GABRG3: variants seen among roughly 807,000 people sequenced by gnomAD.
The protein encoded by GABRG3 is gamma-aminobutyric acid receptor subunit gamma-3.
GABRG3 carries 25 observed loss-of-function variants against 48.8 expected under a neutral mutation model. The observed-to-expected ratio is 0.51, with a 90% CI of 0.37 to 0.72. The LOEUF (loss-of-function observed/expected upper bound fraction) is 0.72. GABRG3 is among the 30% of genes least tolerant of loss of function. The pLI is 0.00. For missense variants in GABRG3, 394 were observed against 577.9 expected, an observed-to-expected ratio of 0.68 and a Z score of 3.26; for synonymous variants, 227 against 217.6, an observed-to-expected ratio of 1.04 and a Z score of -0.38.
intron 3 of GABRG3, among the ~76,000 whole-genome samples, chr15:27,143,639 G>A (rs1000076986): frequency 3.9e-5 from 6 of 152,196 alleles, no homozygotes; most frequent in Non-Finnish European, 8.8e-5. Context: ...AGCTGCGAGT[G>A]TATCCTTTCT....
Position 27,345,958 on chromosome 15 carries a change from C to A in GABRG3, c.574+17070C>A, listed in dbSNP as rs189619942. Among the ~76,000 whole-genome samples the A allele has an allele frequency of 2.6e-5, 4 of 151,028 alleles. No homozygotes were observed. The East Asian group carries it at 7.8e-4, about 30-fold the overall frequency. On this transcript the variant is annotated intron_variant, in intron 5 of 9. Transcript: ENST00000615808. ...GTCCCAGCTACCCAGGAGGCTGAGG[C>A]ACAAGAATCACTTGGAACCCAGGAG...
At chr15:27,403,526 T>C (rs1887533822) in intron 5 of GABRG3, among the ~76,000 whole-genome samples, 1 of 152,146 alleles carries the variant, frequency 6.6e-6, no homozygotes, top group Non-Finnish European at 1.5e-5. Context: ...GACAAAACAC[T>C]AATTTCCTTC....
At chr15:26,999,321 A>G (rs1895401144) in intron 2 of GABRG3, among the ~76,000 whole-genome samples, 2 of 152,142 alleles carry the variant, frequency 1.3e-5, no homozygotes, top group South Asian at 4.1e-4. Context: ...TATATATGAG[A>G]CTTAAGAACT....
At chr15:27,296,204 A>G (rs1891977938) in intron 3 of GABRG3, among the ~76,000 whole-genome samples, 1 of 152,244 alleles carries the variant, frequency 6.6e-6, no homozygotes, top group Non-Finnish European at 1.5e-5. Flanking sequence ...TTAAATCCAC[A>G]TGAAAAAGGC....
At chr15:27,130,234 G>A (rs183533996) in intron 3 of GABRG3, among the ~76,000 whole-genome samples, 121 of 152,192 alleles carry the variant, frequency 8.0e-4, no homozygotes, top group African/African-American at 2.7e-3. Context: ...TGTATGTGGT[G>A]TAAGATAAAG....
chr15:27,302,019 T>C (rs1354267929), intron 3 of GABRG3, among the ~76,000 whole-genome samples: 8 of 152,030 alleles, frequency 5.3e-5, no homozygotes, highest in Admixed American at 5.3e-4. Flanking sequence ...ACTAGGAATC[T>C]GACCATCCTT....
At chr15:27,372,243 A>T (rs1204779608) in intron 5 of GABRG3, among the ~76,000 whole-genome samples, 2 of 152,184 alleles carry the variant, frequency 1.3e-5, no homozygotes, top group African/African-American at 4.8e-5. Flanking sequence ...AGGAGTTTAG[A>T]TGGGGCTAAA....
At position 27,183,280 on chromosome 15, in the gene GABRG3, C is replaced by A. The variant is rs187058015; in HGVS notation, c.271-143529C>A. ...TTACTCTCCCTAGGCCACAGAACAA[C>A]TGGAAAGGAGAAAATAAAACAAAAC... On this transcript the variant is annotated intron_variant, in intron 3 of 9. Transcript: ENST00000615808. Among the ~76,000 whole-genome samples the A allele has an allele frequency of 8.5e-5, 13 of 152,192 alleles. No individual in the cohort carries two copies. The East Asian group carries it at 2.5e-3, about 29-fold the overall frequency.
chr15:27,320,401 C>G (rs1893381651), intron 3 of GABRG3, among the ~76,000 whole-genome samples: 1 of 152,010 alleles, frequency 6.6e-6, no homozygotes, highest in East Asian at 1.9e-4. Flanking sequence ...GTCTAGGGCT[C>G]CAGAGGTGTG....
intron 3 of GABRG3, among the ~76,000 whole-genome samples, chr15:27,262,134 G>A (rs1001169214): frequency 6.6e-6 from 1 of 152,188 alleles, no homozygotes; most frequent in African/African-American, 2.4e-5. Context: ...TTGCTAAGGC[G>A]ATGGCAGGAG....
intron 3 of GABRG3, among the ~76,000 whole-genome samples, chr15:27,145,605 C>CTATCTATCTATCTATCTAT (rs1898187958): frequency 1.1e-5 from 1 of 90,222 alleles, no homozygotes; most frequent in Non-Finnish European, 2.5e-5. Flanking sequence ...ATATCTATCT[C>CTATCTATCTATCTATCTAT]TATCTATCTA....
intron 3 of GABRG3, among the ~76,000 whole-genome samples, chr15:27,059,575 C>A (rs1429469006): frequency 6.6e-6 from 1 of 152,198 alleles, no homozygotes; most frequent in East Asian, 1.9e-4. Context: ...TAACTGTTCA[C>A]CTCTTACGCT....
At chr15:27,464,583 A>G (rs904772941) in intron 5 of GABRG3, among the ~76,000 whole-genome samples, 4 of 152,214 alleles carry the variant, frequency 2.6e-5, no homozygotes, top group Admixed American at 6.5e-5. Flanking sequence ...CACTCCCACC[A>G]GCACGGTATG....
chr15:27,309,667 A>T (rs1240126912), intron 3 of GABRG3, among the ~76,000 whole-genome samples: 1 of 152,114 alleles, frequency 6.6e-6, no homozygotes, highest in Non-Finnish European at 1.5e-5. Context: ...TGACAAGAGC[A>T]AGGAAAGTAA....
intron 3 of GABRG3, among the ~76,000 whole-genome samples, chr15:27,059,611 A>G (rs1485901588): frequency 1.3e-5 from 2 of 152,222 alleles, no homozygotes; most frequent in South Asian, 2.1e-4. Flanking sequence ...GGCATTTGAC[A>G]TACACTGTTT....
intron 3 of GABRG3, among the ~76,000 whole-genome samples, chr15:27,102,016 C>T (rs1387710009): frequency 6.6e-6 from 1 of 152,154 alleles, no homozygotes; most frequent in East Asian, 1.9e-4. Context: ...CAAAAACCAA[C>T]TAAAAATGAA....
intron 2 of GABRG3, among the ~76,000 whole-genome samples, chr15:27,011,585 C>T (rs867642334): frequency 7.2e-5 from 11 of 152,006 alleles, no homozygotes; most frequent in African/African-American, 1.2e-4. Flanking sequence ...CGGTGGCTCA[C>T]GCCTGTAATC....
chr15:27,353,519 C>A (rs1428302932), intron 5 of GABRG3, among the ~76,000 whole-genome samples: 1 of 152,032 alleles, frequency 6.6e-6, no homozygotes, highest in Non-Finnish European at 1.5e-5. Flanking sequence ...TCTCAGCTCA[C>A]TGCAACCCCT....
intron 2 of GABRG3, among the ~76,000 whole-genome samples, chr15:27,015,286 G>A (rs1229446611): frequency 6.6e-6 from 1 of 151,880 alleles, no homozygotes; most frequent in Non-Finnish European, 1.5e-5. Flanking sequence ...GATAGGGAAG[G>A]ACTTACTGTT....
Sources: allele counts gnomAD v4.1 joint callset (sites outside exome capture counted in the v4.1 genomes callset), GRCh38; gene constraint gnomAD v4.1.1; transcripts MANE v1.5; gene names NCBI Gene and HGNC (gene_info 2026-07-23, HGNC 2026-07-21).